The following GALNT13 variants were observed in gnomAD, a reference collection of about 807,000 sequenced individuals.
GALNT13 encodes polypeptide N-acetylgalactosaminyltransferase 13.
In GALNT13, 28 loss-of-function variants were observed where a neutral mutation model predicts 64.2. That is an observed-to-expected ratio of 0.44 (90% CI 0.32 to 0.60). The LOEUF (loss-of-function observed/expected upper bound fraction) is 0.60, where lower values mean the gene tolerates loss of function less well. GALNT13 is among the 20% of genes least tolerant of loss of function. GALNT13 has a pLI of 0.05. For synonymous variants in GALNT13, 214 were observed against 224.6 expected (o/e 0.95, Z 0.42); for missense variants, 577 against 669.8 (o/e 0.86, Z 1.53).
chr2:153,719,674 C>T, the GALNT13 span, among the ~76,000 whole-genome samples: 2 of 152,116 alleles, frequency 1.3e-5, no homozygotes, highest in Non-Finnish European at 2.9e-5. Context: ...AGGGAGTTCC[C>T]TTTCCGAGTC....
At chr2:153,776,540 C>A in the GALNT13 span, among the ~76,000 whole-genome samples, 2 of 152,314 alleles carry the variant, frequency 1.3e-5, no homozygotes, top group East Asian at 3.9e-4. Flanking sequence ...AATGTCAATT[C>A]CAACAAAGCA....
chr2:153,905,525 T>C (rs1256947046), intron 2 of GALNT13, among the ~76,000 whole-genome samples: 1 of 152,018 alleles, frequency 6.6e-6, no homozygotes, highest in East Asian at 1.9e-4. Flanking sequence ...TCTCAAAGTA[T>C]GTTATTGTAC....
intron 3 of GALNT13, among the ~76,000 whole-genome samples, chr2:154,021,396 C>T (rs1408032830): frequency 6.6e-6 from 1 of 152,108 alleles, no homozygotes; most frequent in Non-Finnish European, 1.5e-5. Flanking sequence ...GTTTGTAGTT[C>T]TCCTTGAAGA....
chr2:153,085,795 G>C, the GALNT13 span, among the ~76,000 whole-genome samples: 8 of 152,146 alleles, frequency 5.3e-5, no homozygotes, highest in African/African-American at 1.9e-4. Context: ...GCCTAATGGA[G>C]CTGTGAGAAG....
the GALNT13 span, among the ~76,000 whole-genome samples, chr2:153,362,707 AC>A: frequency 2.0e-5 from 3 of 152,166 alleles, no homozygotes; most frequent in Admixed American, 2.0e-4. Context: ...ATATATATGC[AC>A]CCAGTACAGG....
At chr2:153,521,601 T>C in the GALNT13 span, among the ~76,000 whole-genome samples, 1 of 152,200 alleles carries the variant, frequency 6.6e-6, no homozygotes. Flanking sequence ...TACCATCCTG[T>C]GGATTTTGAC....
chr2:153,156,239 T>G, the GALNT13 span, among the ~76,000 whole-genome samples: 2 of 152,204 alleles, frequency 1.3e-5, no homozygotes, highest in Non-Finnish European at 2.9e-5. Context: ...TCTATAGATA[T>G]TCATAAGGTT....
chr2:153,556,062 A>G, the GALNT13 span, among the ~76,000 whole-genome samples: 36 of 152,170 alleles, frequency 2.4e-4, no homozygotes, highest in Non-Finnish European at 4.4e-4. Flanking sequence ...TAGCAAAATA[A>G]CTTTTTTCAG....
At chr2:153,989,711 T>C (rs1695035469) in intron 3 of GALNT13, among the ~76,000 whole-genome samples, 1 of 152,068 alleles carries the variant, frequency 6.6e-6, no homozygotes, top group Admixed American at 6.6e-5. Context: ...CACTACAAAA[T>C]ACTACAGCAG....
At chr2:153,318,725 A>G in the GALNT13 span, among the ~76,000 whole-genome samples, 1 of 152,194 alleles carries the variant, frequency 6.6e-6, no homozygotes, top group Non-Finnish European at 1.5e-5. Context: ...GGATTTTTCT[A>G]TGCAACTGAA....
the GALNT13 span, among the ~76,000 whole-genome samples, chr2:153,651,359 G>T: frequency 6.6e-6 from 1 of 152,082 alleles, no homozygotes; most frequent in African/African-American, 2.4e-5. Flanking sequence ...CAGAAGCCAG[G>T]GTTCATACCT....
At chr2:154,306,746 G>A (rs187186318) in intron 9 of GALNT13, among the ~76,000 whole-genome samples, 19 of 151,852 alleles carry the variant, frequency 1.3e-4, no homozygotes, top group African/African-American at 2.2e-4. Context: ...CAGATTACCC[G>A]TCTGAGTGGT....
chr2:153,497,574 G>C, the GALNT13 span, among the ~76,000 whole-genome samples: 1 of 103,454 alleles, frequency 9.7e-6, no homozygotes, highest in Non-Finnish European at 1.7e-5. Context: ...GTTTCACTCC[G>C]TCTCCCAGGC....
intron 9 of GALNT13, among the ~76,000 whole-genome samples, chr2:154,353,045 AAT>A (rs1212455386): frequency 6.6e-6 from 1 of 152,160 alleles, no homozygotes; most frequent in East Asian, 1.9e-4. Context: ...TCATGGGAAG[AAT>A]ATGAGCTTTA....
intron 3 of GALNT13, among the ~76,000 whole-genome samples, chr2:154,085,572 T>C (rs2105425311): frequency 6.6e-6 from 1 of 152,188 alleles, no homozygotes; most frequent in South Asian, 2.1e-4. Flanking sequence ...AGTCTTGGGT[T>C]TGATTTCTGC....
intron 3 of GALNT13, among the ~76,000 whole-genome samples, chr2:154,136,385 T>C (rs1682949657): frequency 6.6e-6 from 1 of 152,146 alleles, no homozygotes; most frequent in Admixed American, 6.5e-5. Flanking sequence ...GAAATGTTTT[T>C]TGTTGTTTGT....
At chr2:153,272,414 GA>G in the GALNT13 span, among the ~76,000 whole-genome samples, 124,114 of 148,674 alleles carry the variant, frequency 0.83, 52,687 homozygotes, top group African/African-American at 0.93. Flanking sequence ...AAATTTACAA[GA>G]AAAAAAAAAA....
intron 3 of GALNT13, among the ~76,000 whole-genome samples, chr2:153,993,364 T>G (rs945133883): frequency 2.6e-5 from 4 of 152,102 alleles, no homozygotes; most frequent in African/African-American, 9.7e-5. Context: ...AATTAAAAAA[T>G]GATTTCTTCC....
chr2:153,441,314 T>G, the GALNT13 span, among the ~76,000 whole-genome samples: 12 of 152,338 alleles, frequency 7.9e-5, no homozygotes, highest in African/African-American at 2.9e-4. Context: ...TATATATCTG[T>G]TTTGGTACCA....
Sources: gnomAD v4.1 joint callset for allele counts (sites outside exome capture counted in the v4.1 genomes callset) on GRCh38, gnomAD v4.1.1 for gene constraint, MANE v1.5 for transcripts, NCBI Gene and HGNC (gene_info 2026-07-23, HGNC 2026-07-21) for gene names.